Variants in GPC5 observed in about 807,000 individuals in gnomAD.
The protein encoded by GPC5 is glypican 5, also known as glypican-5.
In GPC5, 47 loss-of-function variants were observed where a neutral mutation model predicts 53.9. The ratio of observed to expected loss-of-function variants is 0.87; its 90% CI spans 0.69 to 1.11. GPC5 has a LOEUF of 1.11. Among genes scored for constraint, GPC5 ranks in the 50% most tolerant of loss-of-function variants. GPC5 has a pLI of 0.00. For synonymous variants in GPC5, 286 were observed against 263.3 expected (o/e 1.09, Z -0.84); for missense variants, 748 against 713.1 (o/e 1.05, Z -0.56).
intron 7 of GPC5, among the ~76,000 whole-genome samples, chr13:92,290,963 G>A (rs12867090): frequency 3.3e-5 from 5 of 151,992 alleles, no homozygotes; most frequent in African/African-American, 7.2e-5. Context: ...GCCTGGGCTC[G>A]GCAGGCCCCA....
At chr13:91,813,286 C>A (rs1027453865) in intron 5 of GPC5, among the ~76,000 whole-genome samples, 1 of 152,126 alleles carries the variant, frequency 6.6e-6, no homozygotes, top group African/African-American at 2.4e-5. Context: ...TTTGATGCAC[C>A]TGTTATGATC....
intron 7 of GPC5, among the ~76,000 whole-genome samples, chr13:92,422,169 A>G (rs754598742): frequency 6.6e-6 from 1 of 151,862 alleles, no homozygotes; most frequent in Non-Finnish European, 1.5e-5. Flanking sequence ...CAAATACACC[A>G]TTCCAAATAC....
At chr13:91,717,682 G>A (rs1363595177) in intron 3 of GPC5, among the ~76,000 whole-genome samples, 4 of 151,902 alleles carry the variant, frequency 2.6e-5, no homozygotes, top group Admixed American at 6.6e-5. Context: ...TCAGCCTCCC[G>A]AGTAGCTGGG....
At chr13:91,553,449 A>T (rs554497521) in intron 2 of GPC5, among the ~76,000 whole-genome samples, 1 of 152,230 alleles carries the variant, frequency 6.6e-6, no homozygotes, top group East Asian at 1.9e-4. Context: ...GCCTGTAGAA[A>T]TGAACCTAGT....
intron 7 of GPC5, among the ~76,000 whole-genome samples, chr13:92,632,572 CTATA>C (rs1319186566): frequency 4.6e-5 from 7 of 150,762 alleles, no homozygotes; most frequent in African/African-American, 1.7e-4. Context: ...CCCTATTAAT[CTATA>C]TATGTATGCA....
intron 7 of GPC5, among the ~76,000 whole-genome samples, chr13:92,508,538 G>T (rs969461971): frequency 6.6e-6 from 1 of 152,126 alleles, no homozygotes; most frequent in South Asian, 2.1e-4. Flanking sequence ...TTTCACATTT[G>T]AGGAAACACG....
At chr13:92,181,541 TGTTAA>T (rs1316538879) in intron 7 of GPC5, among the ~76,000 whole-genome samples, 1 of 152,238 alleles carries the variant, frequency 6.6e-6, no homozygotes. Context: ...GGGGTGATAT[TGTTAA>T]GTTTTAATAT....
chr13:91,894,604 T>C (rs1253036122), intron 5 of GPC5, among the ~76,000 whole-genome samples: 1 of 152,144 alleles, frequency 6.6e-6, no homozygotes, highest in Non-Finnish European at 1.5e-5. Context: ...TCAAGGAAGG[T>C]CATAAGTTTG....
At chr13:91,960,770 A>C (rs1044499347) in intron 6 of GPC5, among the ~76,000 whole-genome samples, 1 of 151,932 alleles carries the variant, frequency 6.6e-6, no homozygotes, top group African/African-American at 2.4e-5. Context: ...CTACACATTT[A>C]TGTATTTTTG....
intron 2 of GPC5, among the ~76,000 whole-genome samples, chr13:91,473,077 G>T (rs189948574): frequency 6.6e-6 from 1 of 152,230 alleles, no homozygotes; most frequent in Admixed American, 6.5e-5. Context: ...GGCATGTCTT[G>T]CATGGTGGAA....
chr13:92,322,275 A>G (rs1429754909), intron 7 of GPC5, among the ~76,000 whole-genome samples: 5 of 147,030 alleles, frequency 3.4e-5, no homozygotes, highest in Admixed American at 6.7e-5. Context: ...TGAATGGGGG[A>G]AAAAAAAAAG....
chr13:92,011,035 T>C (rs2040656664), intron 6 of GPC5, among the ~76,000 whole-genome samples: 1 of 152,232 alleles, frequency 6.6e-6, no homozygotes, highest in Admixed American at 6.5e-5. Context: ...TTTGCATGTG[T>C]GTGAATATGT....
At chr13:91,573,779 G>C (rs1158768172) in intron 2 of GPC5, among the ~76,000 whole-genome samples, 1 of 152,126 alleles carries the variant, frequency 6.6e-6, no homozygotes, top group East Asian at 1.9e-4. Flanking sequence ...ATAATCTAAA[G>C]AGATAAATGT....
Position 92,303,093 on chromosome 13 carries a change from T to A in GPC5, c.1561+158104T>A, listed in dbSNP as rs140964772. Among the ~76,000 whole-genome samples the A allele has an allele frequency of 6.2e-3, 947 of 152,316 alleles. 10 individuals carry two copies. The highest frequency in any genetic ancestry group is 0.022 in the African/African-American group (910 of 41,558). The stretch of plus-strand genomic sequence containing the variant: ...CTCCTCTAACATTTTCATTGTTTTT[T>A]TCCCCCCTATGGTTCTTTTCTTACG... On this transcript the variant is annotated intron_variant, in intron 7 of 7. Coordinates refer to ENST00000377067, the MANE Select transcript of GPC5 (RefSeq NM_004466.6).
intron 7 of GPC5, among the ~76,000 whole-genome samples, chr13:92,261,807 T>G (rs572891012): frequency 3.9e-4 from 59 of 152,218 alleles, no homozygotes; most frequent in Middle Eastern, 6.8e-3. Context: ...TAACAATAAT[T>G]ATGAAAACTA....
intron 5 of GPC5, among the ~76,000 whole-genome samples, chr13:91,808,304 A>T (rs1387007062): frequency 6.6e-6 from 1 of 152,152 alleles, no homozygotes; most frequent in Non-Finnish European, 1.5e-5. Flanking sequence ...GACAGTAGAG[A>T]GTACCAATTC....
chr13:91,513,886 A>G (rs943516168), intron 2 of GPC5, among the ~76,000 whole-genome samples: 1 of 152,166 alleles, frequency 6.6e-6, no homozygotes, highest in Non-Finnish European at 1.5e-5. Context: ...TTTTGGGAAT[A>G]TTGTATGAAT....
intron 7 of GPC5, among the ~76,000 whole-genome samples, chr13:92,840,092 T>C (rs56673719): frequency 1.8e-4 from 10 of 55,910 alleles, no homozygotes; most frequent in Admixed American, 5.1e-4. Flanking sequence ...TATATATATA[T>C]ATATATATAT....
intron 2 of GPC5, among the ~76,000 whole-genome samples, chr13:91,583,245 A>G (rs1482326298): frequency 2.6e-5 from 4 of 152,184 alleles, no homozygotes; most frequent in African/African-American, 9.6e-5. Flanking sequence ...TAAAAGGAAT[A>G]TAGTTGGAAA....
Sources: gnomAD v4.1 joint callset for allele counts (sites outside exome capture counted in the v4.1 genomes callset) on GRCh38, gnomAD v4.1.1 for gene constraint, MANE v1.5 for transcripts, NCBI Gene and HGNC (gene_info 2026-07-23, HGNC 2026-07-21) for gene names.